Variants in SEC24D observed in about 807,000 individuals in gnomAD.
SEC24D encodes SEC24 homolog D, COPII component.
In SEC24D, 69 loss-of-function variants were observed where a neutral mutation model predicts 116.9. The ratio of observed to expected loss-of-function variants is 0.59; its 90% CI spans 0.49 to 0.72. The LOEUF (loss-of-function observed/expected upper bound fraction) is 0.72. Ranked by LOEUF, SEC24D falls within the 30% of genes least tolerant of loss-of-function variation. The pLI is 0.00. For missense variants in SEC24D, 1,131 were observed against 1,264.1 expected (o/e 0.89, Z 1.60); for synonymous variants, 405 against 442.8 (o/e 0.91, Z 1.07).
At position 118,752,727 on chromosome 4, in the gene SEC24D, T is replaced by C. The variant is rs1447754698; in HGVS notation, c.1583A>G (p.Asn528Ser). ...FVPLLDGFLVNYQESQSVIHN... is the reference protein window; with the variant it reads ...FVPLLDGFLVSYQESQSVIHN... ...AATCACAGATTGGGATTCTTGATAG[T>C]TGACAAGGAAACCATCCAACAAAGG... The change falls in exon 12 of 23, where the codon AAC becomes AGC. Residue 528 changes from asparagine (N) to serine (S), a missense_variant. Physicochemically the swap from Asn to Ser is conservative, Grantham distance 46. Transcript: ENST00000280551. The C allele has an allele frequency of 6.2e-7, 1 of 1,606,674 alleles. No individual in the cohort carries two copies. Among genetic ancestry groups the C allele is most frequent in the Non-Finnish European group, 8.5e-7 (1 of 1,177,904 alleles).
At chr4:118,826,337 T>G (rs985243494) in intron 2 of SEC24D, among the ~76,000 whole-genome samples, 1 of 152,152 alleles carries the variant, frequency 6.6e-6, no homozygotes, top group African/African-American at 2.4e-5. Flanking sequence ...GCAATAATAT[T>G]CCCTAGCTCC....
chr4:118,751,176 C>CTT (rs1185148886), intron 13 of SEC24D, among the ~76,000 whole-genome samples: 52 of 100,314 alleles, frequency 5.2e-4, no homozygotes, highest in East Asian at 7.2e-4. Context: ...AGAGTGAGGG[C>CTT]TTTTTTTTTT....
At chr4:118,742,905 T>C (rs944243655) in intron 15 of SEC24D, among the ~76,000 whole-genome samples, 8 of 152,142 alleles carry the variant, frequency 5.3e-5, no homozygotes, top group Non-Finnish European at 1.0e-4. Flanking sequence ...GAAGGCAGCT[T>C]GCCTGCAGGA....
Position 118,745,081 on chromosome 4 carries a change from A to C in SEC24D, c.1708-21T>G, listed in dbSNP as rs1037286656. ...GCTGCCTAAAAAAAAAAAAAAACCC[A>C]AAAACCCACAGAAAATGCCGTGAGT... On this transcript the variant is annotated intron_variant, in intron 13 of 22. Transcript: ENST00000280551. 27 of 1,350,910 alleles carry C rather than the reference A, an allele frequency of 2.0e-5. 1 individual carries two copies. Among genetic ancestry groups the C allele is most frequent in the Non-Finnish European group, 2.4e-5 (23 of 967,484 alleles). The allele number at this position is 1,350,910 out of a possible 1,614,324, so 83.7% of individuals were successfully genotyped here.
chr4:118,795,577 A>T (rs562777800), intron 8 of SEC24D, among the ~76,000 whole-genome samples: 25 of 152,302 alleles, frequency 1.6e-4, no homozygotes, highest in Non-Finnish European at 3.1e-4. Flanking sequence ...TTCAGCAATA[A>T]AAAAGAAACA....
intron 8 of SEC24D, among the ~76,000 whole-genome samples, chr4:118,776,863 C>G (rs1578422404): frequency 6.6e-6 from 1 of 152,106 alleles, no homozygotes; most frequent in Non-Finnish European, 1.5e-5. Context: ...ACTTAAAACC[C>G]TTCTATAGCT....
chr4:118,733,391 A>AT (rs1385068522), intron 19 of SEC24D: 1 of 152,162 alleles, frequency 6.6e-6, no homozygotes, highest in Middle Eastern at 3.1e-3. Flanking sequence ...GTTTAATAAA[A>AT]TTTTTTAAAA....
chr4:118,791,650 G>C (rs758589470), intron 8 of SEC24D, among the ~76,000 whole-genome samples: 9 of 151,876 alleles, frequency 5.9e-5, no homozygotes, highest in Non-Finnish European at 8.8e-5. Flanking sequence ...TCAGCCTGCC[G>C]AGTGCCTGGG....
At chr4:118,773,087 C>A (rs1314231466) in intron 8 of SEC24D, among the ~76,000 whole-genome samples, 1 of 151,928 alleles carries the variant, frequency 6.6e-6, no homozygotes, top group Non-Finnish European at 1.5e-5. Flanking sequence ...CACTTATTCA[C>A]TAATTTTAAA....
At chr4:118,737,766 GGAGA>G (rs904458605) in intron 19 of SEC24D, among the ~76,000 whole-genome samples, 3 of 151,980 alleles carry the variant, frequency 2.0e-5, no homozygotes, top group Non-Finnish European at 4.4e-5. Context: ...ACTAGATGAT[GGAGA>G]GAGTCAATTC....
In SEC24D at chr4:118,723,630, T is replaced by G; in HGVS notation, c.2984A>C (p.Gln995Pro). Residue 995 changes from glutamine to proline, a missense_variant, in exon 23 of 23, where the codon CAA (glutamine) becomes CCA (proline). Gln to Pro is a moderately conservative substitution (Grantham distance 76, BLOSUM62 -1). Coordinates refer to ENST00000280551, the MANE Select transcript of SEC24D (RefSeq NM_014822.4). ...MKLTIVKQREQPEMVFRQFLV... is the reference protein window; with the variant it reads ...MKLTIVKQREPPEMVFRQFLV... ...GAACTGTCGGAAAACCATTTCTGGT[T>G]GTTCTCGCTGCTTTACAATTGTGAG... 1.2e-6 allele frequency: 2 copies of G among 1,613,202 alleles called. No homozygotes were observed. The highest frequency in any genetic ancestry group is 1.7e-6 in the Non-Finnish European group (2 of 1,179,692).
chr4:118,764,696 C>T, intron 10 of SEC24D, 106 bp downstream of exon 10: 1 of 662,082 alleles, frequency 1.5e-6, no homozygotes, highest in East Asian at 2.7e-5. Flanking sequence ...CATGGTACCA[C>T]CAAAATGCTT....
At chr4:118,792,957 C>G (rs1380107262) in intron 8 of SEC24D, among the ~76,000 whole-genome samples, 2 of 152,134 alleles carry the variant, frequency 1.3e-5, no homozygotes, top group Non-Finnish European at 2.9e-5. Flanking sequence ...TGTTATTATT[C>G]CCATCAGTAG....
At position 118,752,969 on chromosome 4, in the gene SEC24D, T is replaced by A. The variant is rs1726913992; in HGVS notation, c.1422-81A>T. On this transcript the variant is annotated intron_variant, in intron 11 of 22. Transcript: ENST00000280551. ...GTTTCTATCTGAAATTCAGTAAGTG[T>A]GTCTTCTATAAAATACATAAAAACA... 4.9e-6 allele frequency: 5 copies of A among 1,019,258 alleles called. No individual in the cohort carries two copies. The East Asian group carries it at 1.3e-4, about 27-fold the overall frequency. The allele number at this position is 1,019,258 out of a possible 1,614,324, so 63.1% of individuals were successfully genotyped here. A position where few individuals can be genotyped will look rare whatever the true frequency, so the allele number is the denominator to read the frequency against.
At position 118,823,697 on chromosome 4, in the gene SEC24D, C is replaced by G. The variant is rs143024598; in HGVS notation, c.248+923G>C. 4.7e-3 allele frequency among the ~76,000 whole-genome samples: 721 copies of G among 152,328 alleles called. 6 individuals are homozygous for G. Among genetic ancestry groups the G allele is most frequent in the African/African-American group, 0.016 (681 of 41,570 alleles). On this transcript the variant is annotated intron_variant, in intron 3 of 22. Transcript: ENST00000280551. ...TGGCTTCTTTCCCAGGGATTAGTCC[C>G]TAGTGGGCTGCAGGCTCTAAATATT...
intron 13 of SEC24D, among the ~76,000 whole-genome samples, chr4:118,749,233 T>G (rs1050460805): frequency 2.6e-5 from 4 of 152,168 alleles, no homozygotes; most frequent in Non-Finnish European, 5.9e-5. Flanking sequence ...TGGAAGCATT[T>G]ACAACAGAAA....
In SEC24D at chr4:118,740,674, C is replaced by T. The variant is rs1726183370; in HGVS notation, c.2227G>A (p.Ala743Thr). Reference sequence around the variant, plus strand: ...ACACTTTCAATCACCTGGATTAAGGCTCCACTGTCTTCACTGAGTTTGTCA... The same window carrying T: ...ACACTTTCAATCACCTGGATTAAGGTTCCACTGTCTTCACTGAGTTTGTCA... ...HDDKLSEDSG[A>T]LIQCAVLYTT... The change falls in exon 17 of 23, where the codon GCC becomes ACC. Residue 743 changes from alanine to threonine, a missense_variant. Physicochemically the swap from Ala to Thr is moderately conservative, Grantham distance 58. Coordinates refer to ENST00000280551, the MANE Select transcript of SEC24D (RefSeq NM_014822.4). 4 of 1,613,666 alleles carry T rather than the reference C, an allele frequency of 2.5e-6. No individual in the cohort carries two copies. The highest frequency in any genetic ancestry group is 3.4e-6 in the Non-Finnish European group (4 of 1,179,760).
intron 21 of SEC24D, 60 bp from the exon 22 acceptor site, chr4:118,728,710 A>G (rs1725533389): frequency 1.0e-6 from 1 of 992,956 alleles, no homozygotes; most frequent in Non-Finnish European, 1.6e-6. Flanking sequence ...AGAAGTAGCA[A>G]TATGAGATTA....
At position 118,723,554 on chromosome 4, in the gene SEC24D, A is replaced by G; in HGVS notation, c.3060T>C (p.Leu1020=). 6.2e-7 allele frequency: 1 copy of G among 1,613,986 alleles called. No homozygotes were observed. Among genetic ancestry groups the G allele is most frequent in the Non-Finnish European group, 8.5e-7 (1 of 1,179,906 alleles). ...LYGGSSYVDF[L]CCVHKEICQL... is the part of the protein sequence containing the mutation. ...GACAGATCTCCTTGTGAACACAACAAAGGAAATCCACATAAGAAGAGCCTC... is the reference window on the plus strand; with the variant it reads ...GACAGATCTCCTTGTGAACACAACAGAGGAAATCCACATAAGAAGAGCCTC... Residue 1020 remains leucine (L), a synonymous_variant, in exon 23 of 23, where the codon CTT becomes CTC. Transcript: ENST00000280551.
Sources: allele counts gnomAD v4.1 joint callset (sites outside exome capture counted in the v4.1 genomes callset), GRCh38; gene constraint gnomAD v4.1.1; transcripts MANE v1.5; gene names NCBI Gene and HGNC (gene_info 2026-07-23, HGNC 2026-07-21).